The following IRF2 variants were observed in gnomAD, a reference collection of about 807,000 sequenced individuals.
The protein encoded by IRF2 is interferon regulatory factor 2.
Under a neutral mutation model 40.6 loss-of-function variants are expected in IRF2, and 15 were observed. The observed-to-expected ratio is 0.37, with a 90% CI of 0.25 to 0.57. IRF2 has a LOEUF of 0.57. Ranked by LOEUF, IRF2 falls within the 20% of genes least tolerant of loss-of-function variation. The probability of loss-of-function intolerance (pLI) is 0.77; values close to 1 mark genes in which losing one functional copy is unlikely to be tolerated. For missense variants in IRF2, 317 were observed against 455.7 expected (o/e 0.70, Z 2.77); for synonymous variants, 151 against 165.5 (o/e 0.91, Z 0.67).
At chr4:184,415,796 C>A (rs888992548) in intron 5 of IRF2, among the ~76,000 whole-genome samples, 1 of 152,202 alleles carries the variant, frequency 6.6e-6, no homozygotes, top group African/African-American at 2.4e-5. Flanking sequence ...ACTCCCACCC[C>A]ACATATCCTA....
chr4:184,402,961 C>T (rs1212872267), intron 6 of IRF2, among the ~76,000 whole-genome samples: 1 of 152,146 alleles, frequency 6.6e-6, no homozygotes, highest in African/African-American at 2.4e-5. Flanking sequence ...AGTAGATAAG[C>T]ACGTCCATGC....
intron 1 of IRF2, among the ~76,000 whole-genome samples, chr4:184,465,257 G>C (rs1561131020): frequency 6.6e-6 from 1 of 152,314 alleles, no homozygotes; most frequent in East Asian, 1.9e-4. Context: ...GAAAGCCCTG[G>C]CTCTAGAGCC....
chr4:184,454,140 A>C (rs1738828296), intron 1 of IRF2, among the ~76,000 whole-genome samples: 1 of 152,126 alleles, frequency 6.6e-6, no homozygotes. Context: ...GATGAGAGTA[A>C]ATGATTTCCT....
At chr4:184,442,680 A>G (rs995456300) in intron 1 of IRF2, among the ~76,000 whole-genome samples, 1 of 152,038 alleles carries the variant, frequency 6.6e-6, no homozygotes, top group Admixed American at 6.6e-5. Context: ...TTCAGTGCAT[A>G]TGAAGAGCAA....
chr4:184,419,899 G>A (rs887339916), intron 2 of IRF2, among the ~76,000 whole-genome samples: 5 of 152,068 alleles, frequency 3.3e-5, no homozygotes, highest in Non-Finnish European at 5.9e-5. Context: ...ACAGAGTCTC[G>A]CTCTGTTGCC....
chr4:184,397,359 A>G (rs1736505103), intron 7 of IRF2, among the ~76,000 whole-genome samples: 1 of 152,198 alleles, frequency 6.6e-6, no homozygotes, highest in South Asian at 2.1e-4. Flanking sequence ...AAGAGGACTT[A>G]GTGTTTAATG....
chr4:184,467,418 C>T (rs1315909498), intron 1 of IRF2, among the ~76,000 whole-genome samples: 2 of 152,194 alleles, frequency 1.3e-5, no homozygotes, highest in Non-Finnish European at 2.9e-5. Context: ...TCCTTTCACC[C>T]GACACACCCA....
At chr4:184,468,478 A>G (rs1739407261) in intron 1 of IRF2, among the ~76,000 whole-genome samples, 1 of 143,052 alleles carries the variant, frequency 7.0e-6, no homozygotes, top group Non-Finnish European at 1.5e-5. Context: ...CAAGATCGAG[A>G]CTCTTTCTCA....
intron 7 of IRF2, among the ~76,000 whole-genome samples, chr4:184,395,638 T>C (rs889453790): frequency 6.6e-6 from 1 of 152,196 alleles, no homozygotes; most frequent in Non-Finnish European, 1.5e-5. Context: ...GGGAAATGTT[T>C]TACACCACTG....
intron 1 of IRF2, 100 bp from the exon 2 acceptor site, chr4:184,429,170 T>G: frequency 1.0e-4 from 67 of 658,862 alleles, no homozygotes; most frequent in Middle Eastern, 4.1e-4. Context: ...TTCTCTCCTT[T>G]CCTGGGGCTG....
intron 1 of IRF2, among the ~76,000 whole-genome samples, chr4:184,446,680 A>G (rs1161153729): frequency 6.6e-6 from 1 of 152,206 alleles, no homozygotes; most frequent in Non-Finnish European, 1.5e-5. Flanking sequence ...ATATCTCAAT[A>G]AACACAGAAA....
Position 184,454,111 on chromosome 4 carries a change from G to C in IRF2, c.-7+20268C>G, listed in dbSNP as rs372140885. Among the ~76,000 whole-genome samples, 37 of 152,232 alleles carry C rather than the reference G, an allele frequency of 2.4e-4. 1 individual carries two copies. The highest frequency in any genetic ancestry group is 8.7e-4 in the African/African-American group (36 of 41,524). ...CCTGTTCTGAAAGGTTGATTTGAAG[G>C]GCACTATCTTTTCCCCTGGATGAGA... is the stretch of plus-strand genomic sequence containing the variant. On this transcript the variant is annotated intron_variant, in intron 1 of 8. Transcript: ENST00000393593.
At chr4:184,434,321 G>A (rs1394151011) in intron 1 of IRF2, among the ~76,000 whole-genome samples, 4 of 152,112 alleles carry the variant, frequency 2.6e-5, no homozygotes, top group Non-Finnish European at 5.9e-5. Context: ...CATCTTCCCG[G>A]CCCACACTTT....
At chr4:184,466,206 A>G (rs1264479654) in intron 1 of IRF2, among the ~76,000 whole-genome samples, 1 of 151,982 alleles carries the variant, frequency 6.6e-6, no homozygotes, top group Non-Finnish European at 1.5e-5. Context: ...GCCCGCCACC[A>G]TGCCCAGCTA....
chr4:184,398,002 G>A (rs1736528760), intron 7 of IRF2, among the ~76,000 whole-genome samples: 1 of 152,166 alleles, frequency 6.6e-6, no homozygotes, highest in Admixed American at 6.5e-5. Flanking sequence ...AGTCCCTGGA[G>A]AATTGGAAAT....
At chr4:184,434,727 G>T (rs12643218) in intron 1 of IRF2, among the ~76,000 whole-genome samples, 1 of 151,996 alleles carries the variant, frequency 6.6e-6, no homozygotes, top group Non-Finnish European at 1.5e-5. Flanking sequence ...ATTGTGATTC[G>T]TAAGTCACGA....
intron 1 of IRF2, among the ~76,000 whole-genome samples, chr4:184,442,491 C>T (rs1738347854): frequency 6.6e-6 from 1 of 152,290 alleles, no homozygotes; most frequent in East Asian, 1.9e-4. Flanking sequence ...GGAAAGTGTG[C>T]CCTGCCCAGC....
intron 1 of IRF2, among the ~76,000 whole-genome samples, chr4:184,439,665 A>G (rs1024439960): frequency 6.6e-6 from 1 of 152,214 alleles, no homozygotes; most frequent in African/African-American, 2.4e-5. Flanking sequence ...ACAGTTTTAC[A>G]TATTTGCCAT....
At chr4:184,439,720 G>A (rs985184951) in intron 1 of IRF2, among the ~76,000 whole-genome samples, 7 of 152,012 alleles carry the variant, frequency 4.6e-5, no homozygotes, top group East Asian at 1.9e-4. Context: ...ATATCCTTTC[G>A]GAAGCTATTC....
Sources: allele counts gnomAD v4.1 joint callset (sites outside exome capture counted in the v4.1 genomes callset), GRCh38; gene constraint gnomAD v4.1.1; transcripts MANE v1.5; gene names NCBI Gene and HGNC (gene_info 2026-07-23, HGNC 2026-07-21).